The following HDGFL3 variants were observed in gnomAD, a reference collection of about 807,000 sequenced individuals.
HDGFL3 encodes HDGF like 3, also known as hepatoma-derived growth factor-related protein 3.
Under a neutral mutation model 27.6 loss-of-function variants are expected in HDGFL3, and 6 were observed. The observed-to-expected ratio is 0.22, with a 90% confidence interval of 0.12 to 0.43. The LOEUF (loss-of-function observed/expected upper bound fraction) is 0.43, where lower values mean the gene tolerates loss of function less well. Among genes scored for constraint, HDGFL3 ranks in the 20% least tolerant of loss-of-function variants. The pLI, the probability that HDGFL3 is intolerant of heterozygous loss-of-function variation, is 1.00. For missense variants in HDGFL3, 207 were observed against 250.1 expected, an observed-to-expected ratio of 0.83 and a Z score of 1.16; for synonymous variants, 88 against 88.9, an observed-to-expected ratio of 0.99 and a Z score of 0.05.
chr15:83,200,441 A>ATT (rs2037630904), intron 1 of HDGFL3, among the ~76,000 whole-genome samples: 2 of 152,220 alleles, frequency 1.3e-5, no homozygotes, highest in African/African-American at 2.4e-5. Flanking sequence ...CCAACTCACT[A>ATT]TTATAAAGCC....
intron 1 of HDGFL3, among the ~76,000 whole-genome samples, chr15:83,176,098 C>A (rs1421908087): frequency 1.3e-5 from 2 of 152,218 alleles, no homozygotes; most frequent in East Asian, 1.9e-4. Context: ...CTTGCTTCAA[C>A]TGGGAAGAAA....
chr15:83,207,367 G>A lies in HDGFL3; in HGVS notation c.48C>T (p.Phe16=). The change falls in exon 1 of 6, where the codon TTC becomes TTT. Residue 16 remains phenylalanine (F), a synonymous_variant. Transcript: ENST00000299633. The surrounding 1 kb of genome is among the most constrained non-coding windows in gnomAD (Gnocchi z 4.8). The stretch of plus-strand genomic sequence containing the variant: ...AGTGCGGGTAGCCCTTCATCTTGGC[G>A]AAGACCAGGTCGCCCGCTTTGTACT... ...PREYKAGDLV[F]AKMKGYPHWP... is the part of the protein sequence containing the mutation. 7.1e-7 allele frequency: 1 copy of A among 1,403,430 alleles called. No homozygotes were observed. Among genetic ancestry groups the A allele is most frequent in the African/African-American group, 1.5e-5 (1 of 67,756 alleles). The allele number at this position is 1,403,430 out of a possible 1,614,324, so 86.9% of individuals were successfully genotyped here. A position where few individuals can be genotyped will look rare whatever the true frequency, so the allele number is the denominator to read the frequency against.
Position 83,122,065 on chromosome 15 carries a change from T to C in HDGFL3, c.394-6324A>G, listed in dbSNP as rs567563353. ...TAAAACAATGGGGCTTGTTTTTAAA[T>C]AGAGAAGCTCTTTTAGTTATAATAG... On this transcript the variant is annotated intron_variant, in intron 3 of 3. Coordinates refer to the HDGFL3 transcript ENST00000568294. 1.3e-4 allele frequency: 170 copies of C among 1,285,732 alleles called. 1 individual carries two copies. In the African/African-American group the frequency reaches 2.2e-3, roughly 17 times the overall value. 79.6% of individuals were successfully genotyped at this position (1,285,732 alleles called of 1,614,324 possible).
chr15:83,151,509 A>G, intron 4 of HDGFL3, 148 bp from the exon 5 acceptor site: 2 of 629,532 alleles, frequency 3.2e-6, no homozygotes, highest in Non-Finnish European at 5.3e-6. Flanking sequence ...GCCAAGGCTG[A>G]GCTAGGTGAC....
At position 83,128,550 on chromosome 15, in the gene HDGFL3, C is replaced by CT. The variant is rs1486121356; in HGVS notation, c.*10719dup. The stretch of plus-strand genomic sequence containing the variant: ...GTATTTTAGGTCTTTATCTTTGTAT[C>CT]TTTCAATACCAACTATAAGCTGATA... On this transcript the variant is annotated 3_prime_UTR_variant, in exon 6 of 6. Coordinates refer to ENST00000299633, the MANE Select transcript of HDGFL3 (RefSeq NM_016073.4). 1 of 152,170 alleles carries CT rather than the reference C, an allele frequency of 6.6e-6. No homozygotes were observed. Among genetic ancestry groups the CT allele is most frequent in the Non-Finnish European group, 1.5e-5 (1 of 68,032 alleles). 9.4% of individuals were successfully genotyped at this position (152,170 alleles called of 1,614,324 possible).
chr15:83,143,905 T>G (rs1231104889), intron 5 of HDGFL3, among the ~76,000 whole-genome samples: 1 of 151,978 alleles, frequency 6.6e-6, no homozygotes, highest in Non-Finnish European at 1.5e-5. Flanking sequence ...GTGTTTTTTT[T>G]GTTTGTTTGT....
intron 1 of HDGFL3, among the ~76,000 whole-genome samples, chr15:83,172,906 G>A (rs1175987116): frequency 6.6e-6 from 1 of 152,028 alleles, no homozygotes; most frequent in East Asian, 1.9e-4. Context: ...CATCTTGGTA[G>A]TCTTCACAAT....
At chr15:83,126,610 T>C, downstream of HDGFL3, 1 of 611,266 alleles carries the variant, frequency 1.6e-6, no homozygotes, top group South Asian at 2.3e-5. Flanking sequence ...GCAAAATATT[T>C]CCATCATTGA....
chr15:83,152,934 A>C (rs2036980940), intron 4 of HDGFL3, among the ~76,000 whole-genome samples: 1 of 151,792 alleles, frequency 6.6e-6, no homozygotes, highest in Admixed American at 6.6e-5. Flanking sequence ...TAATTATTAA[A>C]ATGTAGCAAC....
downstream of HDGFL3, chr15:83,124,896 T>G: frequency 1.2e-6 from 1 of 852,276 alleles, no homozygotes; most frequent in Admixed American, 2.3e-5. Context: ...TAACAAACCA[T>G]TCCTCCCATC....
intron 1 of HDGFL3, among the ~76,000 whole-genome samples, chr15:83,181,984 A>C (rs537519057): frequency 6.6e-6 from 1 of 152,356 alleles, no homozygotes. Context: ...CATTGATCTT[A>C]AATGTGTATT....
chr15:83,166,938 G>C (rs1343791965), intron 1 of HDGFL3, among the ~76,000 whole-genome samples: 1 of 152,178 alleles, frequency 6.6e-6, no homozygotes. Context: ...TTTGACATGA[G>C]ACAAATCAAC....
downstream of HDGFL3, chr15:83,127,521 T>A: frequency 6.2e-7 from 1 of 1,606,514 alleles, no homozygotes. Flanking sequence ...GTGGTCTAGG[T>A]GTCAATTGTT....
At chr15:83,166,080 T>G (rs2037168458) in intron 1 of HDGFL3, among the ~76,000 whole-genome samples, 1 of 151,882 alleles carries the variant, frequency 6.6e-6, no homozygotes, top group Non-Finnish European at 1.5e-5. Flanking sequence ...GAAATAGACA[T>G]CCAGATGCAA....
chr15:83,202,416 A>G (rs772538958), intron 1 of HDGFL3, among the ~76,000 whole-genome samples: 2 of 152,164 alleles, frequency 1.3e-5, no homozygotes, highest in African/African-American at 2.4e-5. Flanking sequence ...ACACTGATGC[A>G]GGTAAACAAA....
At chr15:83,200,857 T>C (rs950142495) in intron 1 of HDGFL3, among the ~76,000 whole-genome samples, 1 of 65,318 alleles carries the variant, frequency 1.5e-5, no homozygotes, top group African/African-American at 1.1e-4. Context: ...TACTTTATTC[T>C]TTTTTTTTTT....
intron 4 of HDGFL3, among the ~76,000 whole-genome samples, chr15:83,155,982 T>A (rs2037024147): frequency 6.6e-6 from 1 of 152,214 alleles, no homozygotes; most frequent in African/African-American, 2.4e-5. Flanking sequence ...ACTTTCAATT[T>A]GTAAATCTAG....
At chr15:83,117,407 G>A (rs1360296614) in intron 3 of HDGFL3, among the ~76,000 whole-genome samples, 2 of 152,194 alleles carry the variant, frequency 1.3e-5, no homozygotes, top group East Asian at 3.9e-4. Context: ...TCTGAGAGGA[G>A]AAGGGCTTGC....
chr15:83,124,760 G>A (rs1366744477), downstream of HDGFL3: 1 of 1,613,994 alleles, frequency 6.2e-7, no homozygotes, highest in East Asian at 2.2e-5. Context: ...ACTGGATTTT[G>A]CCTGTTCAGA....
Sources: allele counts gnomAD v4.1 joint callset (sites outside exome capture counted in the v4.1 genomes callset), GRCh38; gene constraint gnomAD v4.1.1; non-coding constraint Gnocchi (gnomAD v3.1); transcripts MANE v1.5; gene names NCBI Gene and HGNC (gene_info 2026-07-23, HGNC 2026-07-21).